C9orf72: variants seen among roughly 807,000 people sequenced by gnomAD.
C9orf72 encodes guanine nucleotide exchange factor C9orf72.
Under a neutral mutation model 51.6 loss-of-function variants are expected in C9orf72, and 44 were observed. That is an observed-to-expected ratio of 0.85 (90% CI 0.67 to 1.10). The LOEUF is 1.10. Among genes scored for constraint, C9orf72 ranks in the 50% least tolerant of loss-of-function variants. The pLI is 0.00. For missense variants in C9orf72, 607 were observed against 570.6 expected, an observed-to-expected ratio of 1.06 and a Z score of -0.65; for synonymous variants, 213 against 194.2, an observed-to-expected ratio of 1.10 and a Z score of -0.81.
At chr9:27,560,802 T>C (rs1299003031) in intron 5 of C9orf72, 2 of 955,740 alleles carry the variant, frequency 2.1e-6, no homozygotes, top group African/African-American at 4.1e-5. Context: ...CTTTTACTTC[T>C]CTTTTATTAA....
rs753650999 is a variant in C9orf72 at position 27,556,602 on chromosome 9, C to G, written c.1050G>C (p.Gln350His). ...WRATSEEDMA[Q>H]DTIIYTDESF... ...TTTCGTCAGTGTAGATGATCGTATCCTGAGCCATGTCTTCTTCTGAAGTGG... is the reference window on the plus strand; with the variant it reads ...TTTCGTCAGTGTAGATGATCGTATCGTGAGCCATGTCTTCTTCTGAAGTGG... Residue 350 changes from glutamine (Q) to histidine (H), a missense_variant, in exon 8 of 11, where the codon CAG (glutamine) becomes CAC (histidine). By Grantham distance (24) the Gln-to-His change is conservative (BLOSUM62 0). Transcript: ENST00000380003. 1.2e-6 allele frequency: 2 copies of G among 1,613,932 alleles called. No individual in the cohort carries two copies. The highest frequency in any genetic ancestry group is 1.7e-6 in the Non-Finnish European group (2 of 1,179,862).
chr9:27,562,512 C>A, intron 3 of C9orf72, 36 bp from the exon 4 acceptor site: 2 of 1,069,818 alleles, frequency 1.9e-6, no homozygotes, highest in Non-Finnish European at 2.7e-6. Context: ...AAGAAAATCA[C>A]GTAATATGAG....
chr9:27,563,781 C>T (rs1819404693), intron 3 of C9orf72, among the ~76,000 whole-genome samples: 1 of 152,078 alleles, frequency 6.6e-6, no homozygotes, highest in Non-Finnish European at 1.5e-5. Context: ...ACCTCCACAA[C>T]TAACTATTCA....
chr9:27,573,208 G>GCGCCGCCGCCGCCGC (rs546630378), intron 1 of C9orf72, among the ~76,000 whole-genome samples: 5 of 151,798 alleles, frequency 3.3e-5, no homozygotes, highest in African/African-American at 1.2e-4. Context: ...CCTTGTCCCT[G>GCGCCGCCGCCGCCGC]CGCCGCCGCC....
At position 27,547,533 on chromosome 9, in the gene C9orf72, T is replaced by C. The variant is rs564511317; in HGVS notation, c.*703A>G. On this transcript the variant is annotated 3_prime_UTR_variant, in exon 11 of 11. Coordinates refer to ENST00000380003, the MANE Select transcript of C9orf72 (RefSeq NM_018325.5). ...TAAAACATAAAATACAATTTCCTTTTACAGAGCTCAACTACATAGAATATC... is the reference window on the plus strand; with the variant it reads ...TAAAACATAAAATACAATTTCCTTTCACAGAGCTCAACTACATAGAATATC... 1 of 152,664 alleles carries C rather than the reference T, an allele frequency of 6.6e-6. No homozygotes were observed. The highest frequency in any genetic ancestry group is 1.5e-5 in the Non-Finnish European group (1 of 68,036). 9.5% of individuals were successfully genotyped at this position (152,664 alleles called of 1,614,324 possible). A position where few individuals can be genotyped will look rare whatever the true frequency, so the allele number is the denominator to read the frequency against.
At position 27,554,710 on chromosome 9, in the gene C9orf72, T is replaced by A. The variant is rs116140701; in HGVS notation, c.1091+1851A>T. 2.0e-3 allele frequency: 807 copies of A among 397,802 alleles called. 7 individuals are homozygous for A. The highest frequency in any genetic ancestry group is 0.015 in the African/African-American group (741 of 48,682). 24.6% of individuals were successfully genotyped at this position (397,802 alleles called of 1,614,324 possible). ...TGGAATTATTTTAAAAAGTTAAAAT[T>A]AAAAATAACAAACATAATTAACATG... On this transcript the variant is annotated intron_variant, in intron 8 of 10. Transcript: ENST00000380003.
chr9:27,558,607 T>A lies in C9orf72; in HGVS notation c.739A>T (p.Ile247Leu). 1 of 1,497,114 alleles carries A rather than the reference T, an allele frequency of 6.7e-7. No individual in the cohort carries two copies. The highest frequency in any genetic ancestry group is 1.2e-5 in the South Asian group (1 of 83,534). 92.7% of individuals were successfully genotyped at this position (1,497,114 alleles called of 1,614,324 possible). A position where few individuals can be genotyped will look rare whatever the true frequency, so the allele number is the denominator to read the frequency against. Residue 247 changes from isoleucine to leucine, a missense_variant and splice_region_variant, in exon 7 of 11, where the codon ATA becomes TTA. By Grantham distance (5) the Ile-to-Leu change is conservative. Coordinates refer to ENST00000380003, the MANE Select transcript of C9orf72 (RefSeq NM_018325.5). Reference protein sequence around the residue: ...VGSSAEKVNKIVRTLCLFLTP... With the variant: ...VGSSAEKVNKLVRTLCLFLTP... ...AGAAAAAGGCATAATGTTCTGACTA[T>A]CTATAAAAGAAAATATTTTAGCATT...
chr9:27,558,228 T>A (rs921952038), intron 7 of C9orf72, among the ~76,000 whole-genome samples: 1 of 144,888 alleles, frequency 6.9e-6, no homozygotes, highest in Non-Finnish European at 1.5e-5. Flanking sequence ...AAGCATGTGT[T>A]AAAAAAAAAA....
intron 1 of C9orf72, among the ~76,000 whole-genome samples, chr9:27,569,400 G>C (rs1200002879): frequency 6.6e-6 from 1 of 152,072 alleles, no homozygotes; most frequent in Non-Finnish European, 1.5e-5. Flanking sequence ...CTCCATTCGT[G>C]GTAAGTGGCC....
At chr9:27,554,767 T>C (rs935416067) in intron 8 of C9orf72, 26 of 394,262 alleles carry the variant, frequency 6.6e-5, no homozygotes, top group African/African-American at 5.4e-4. Context: ...AAAATGACTC[T>C]GTGACAATAG....
chr9:27,566,680 A>C lies in C9orf72; in HGVS notation c.441T>G (p.His147Gln). The change falls in exon 2 of 11, where the codon CAT becomes CAG. Residue 147 changes from histidine to glutamine, a missense_variant. Physicochemically the swap from His to Gln is conservative, Grantham distance 24. Coordinates refer to ENST00000380003, the MANE Select transcript of C9orf72 (RefSeq NM_018325.5). ...HIIRKGRIWM[H>Q]KERQENVQKI... ...AATAAGCTGAAAAATCACTTACCTT[A>C]TGCATCCATATTCTTCCTTTCCGGA... The C allele has an allele frequency of 6.3e-7, 1 of 1,586,226 alleles. No homozygotes were observed. Among genetic ancestry groups the C allele is most frequent in the Non-Finnish European group, 8.6e-7 (1 of 1,162,724 alleles).
chr9:27,551,906 T>G (rs541267731), intron 8 of C9orf72, among the ~76,000 whole-genome samples: 1 of 152,356 alleles, frequency 6.6e-6, no homozygotes, highest in East Asian at 1.9e-4. Context: ...CCTGGTTAGC[T>G]GGATTCCTAG....
chr9:27,558,651 A>G, intron 6 of C9orf72, 44 bp from the exon 7 acceptor site: 1 of 977,240 alleles, frequency 1.0e-6, no homozygotes, highest in South Asian at 1.4e-5. Context: ...AAGTAAAAAG[A>G]CCACTGATTT....
intron 1 of C9orf72, among the ~76,000 whole-genome samples, chr9:27,568,277 A>G (rs1819514705): frequency 6.6e-6 from 1 of 152,126 alleles, no homozygotes. Flanking sequence ...CCAAGAAACC[A>G]ATACAGCATT....
Position 27,550,685 on chromosome 9 carries a change from G to A in C9orf72, c.1114C>T (p.His372Tyr), listed in dbSNP as rs1820888047. Reference protein sequence around the residue: ...PDLNIFQDVLHRDTLVKAFLD... With the variant: ...PDLNIFQDVLYRDTLVKAFLD... ...AAGGCTTTCACTAGAGTGTCTCTGT[G>A]TAAGACATCTTGAAAAATATTCCTG... The change falls in exon 9 of 11, where the codon CAC becomes TAC. Residue 372 changes from histidine (H) to tyrosine (Y), a missense_variant. By Grantham distance (83) the His-to-Tyr change is moderately conservative. Coordinates refer to ENST00000380003, the MANE Select transcript of C9orf72 (RefSeq NM_018325.5). 6.3e-7 allele frequency: 1 copy of A among 1,585,918 alleles called. No individual in the cohort carries two copies. The highest frequency in any genetic ancestry group is 8.6e-7 in the Non-Finnish European group (1 of 1,162,794).
chr9:27,554,429 C>A lies in C9orf72; in HGVS notation c.1091+2132G>T, dbSNP rs1820969260. Among the ~76,000 whole-genome samples, 3 of 152,080 alleles carry A rather than the reference C, an allele frequency of 2.0e-5. No homozygotes were observed. In the South Asian group the frequency reaches 6.2e-4, roughly 31 times the overall value. On this transcript the variant is annotated intron_variant, in intron 8 of 10. Coordinates refer to ENST00000380003, the MANE Select transcript of C9orf72 (RefSeq NM_018325.5). Reference sequence around the variant, plus strand: ...GCATGTTCTCACTTCTAAGTGGGAGCTAAACACTGAGTATACATGGACACA... The same window carrying A: ...GCATGTTCTCACTTCTAAGTGGGAGATAAACACTGAGTATACATGGACACA...
intron 1 of C9orf72, among the ~76,000 whole-genome samples, chr9:27,572,073 C>G (rs921969972): frequency 3.3e-5 from 5 of 152,186 alleles, no homozygotes; most frequent in Non-Finnish European, 7.4e-5. Context: ...CAGAAGTCCT[C>G]CTTGGTTTAC....
At chr9:27,554,079 A>C (rs909742026) in intron 8 of C9orf72, among the ~76,000 whole-genome samples, 14 of 152,346 alleles carry the variant, frequency 9.2e-5, no homozygotes, top group African/African-American at 3.1e-4. Flanking sequence ...ACTGTAAATT[A>C]GTTTAGCTAT....
At chr9:27,571,033 T>C (rs1157166147) in intron 1 of C9orf72, 2 of 152,256 alleles carry the variant, frequency 1.3e-5, no homozygotes, top group Non-Finnish European at 2.9e-5. Flanking sequence ...ATTTTACTAA[T>C]ACTTGAAGTC....
Sources: gnomAD v4.1 joint callset for allele counts (sites outside exome capture counted in the v4.1 genomes callset) on GRCh38, gnomAD v4.1.1 for gene constraint, MANE v1.5 for transcripts, NCBI Gene and HGNC (gene_info 2026-07-23, HGNC 2026-07-21) for gene names.